Variants in FBXO41 observed in about 807,000 individuals in gnomAD.
FBXO41 encodes the protein F-box only protein 41.
A neutral mutation model predicts 81.6 loss-of-function variants in FBXO41; 33 were observed. The observed-to-expected ratio is 0.40, with a 90% CI of 0.31 to 0.54. The LOEUF (loss-of-function observed/expected upper bound fraction) is 0.54. Among genes scored for constraint, FBXO41 ranks in the 20% least tolerant of loss-of-function variants. FBXO41 has a pLI of 0.39. For missense variants in FBXO41, 1,107 were observed against 1,236.0 expected, an observed-to-expected ratio of 0.90 and a Z score of 1.56; for synonymous variants, 576 against 552.7, an observed-to-expected ratio of 1.04 and a Z score of -0.59.
chr2:73,264,083 T>C (rs1423505411), intron 6 of FBXO41, 30 bp from the exon 7 acceptor site: 11 of 1,563,880 alleles, frequency 7.0e-6, no homozygotes, highest in Admixed American at 1.9e-5. Context: ...CATTTGGAGA[T>C]GAAGGGGTCT....
rs778503960 is a variant in FBXO41, at chr2:73,263,977, C to A, written c.1883G>T (p.Gly628Val). Residue 628 changes from glycine to valine, a missense_variant, in exon 7 of 13, where the codon GGA (glycine) becomes GTA (valine). Coordinates refer to ENST00000520530, the MANE Select transcript of FBXO41 (RefSeq NM_001371389.2). ...ATACTCCTCCTTGCTCTCCTTCTTT[C>A]CCCGCTGCCGGGGCTTCAAGTTCTG... ...TLQNLKPRQR[G>V]KKESKEEYAR... 36 of 1,606,758 alleles carry A rather than the reference C, an allele frequency of 2.2e-5. No individual in the cohort carries two copies. The highest frequency in any genetic ancestry group is 2.9e-5 in the Non-Finnish European group (34 of 1,176,428).
At chr2:73,270,432 T>A (rs908444867) in intron 1 of FBXO41, among the ~76,000 whole-genome samples, 3 of 152,182 alleles carry the variant, frequency 2.0e-5, no homozygotes, top group African/African-American at 7.2e-5. Flanking sequence ...ATTTTCATTT[T>A]TTGCAGACTG....
intron 5 of FBXO41, among the ~76,000 whole-genome samples, chr2:73,264,794 T>C (rs111421092): frequency 4.9e-4 from 75 of 152,036 alleles, no homozygotes; most frequent in African/African-American, 1.8e-3. Context: ...ACACATCAGA[T>C]TTGGAGAGTG....
chr2:73,269,746 G>T lies in FBXO41; in HGVS notation c.-116C>A. On this transcript the variant is annotated 5_prime_UTR_variant, in exon 2 of 13. Transcript: ENST00000520530. The surrounding 1 kb of genome is among the most constrained non-coding windows in gnomAD (Gnocchi z 7.0). The stretch of plus-strand genomic sequence containing the variant: ...CTGCGGGGTCAGGAAGGCTCAGGGC[G>T]CCCGCGGCCTGGGGCGAGGAGGCTG... The T allele has an allele frequency of 1.6e-6, 1 of 638,288 alleles. No individual in the cohort carries two copies. The highest frequency in any genetic ancestry group is 2.0e-6 in the Non-Finnish European group (1 of 488,220). 39.5% of individuals were successfully genotyped at this position (638,288 alleles called of 1,614,324 possible).
rs527555124 is a variant in FBXO41, at chr2:73,263,934, T to G, written c.1922+4A>C. 3 of 1,612,040 alleles carry G rather than the reference T, an allele frequency of 1.9e-6. No individual in the cohort carries two copies. The Admixed American group carries it at 5.0e-5, about 27-fold the overall frequency. On this transcript the variant is annotated splice_donor_region_variant and intron_variant, in intron 7 of 12. Transcript: ENST00000520530. The stretch of plus-strand genomic sequence containing the variant: ...ACCCACCACCCACCCATCGCAGGCC[T>G]CACCGGGTGCTCCGGGCATACTCCT...
In FBXO41 at chr2:73,269,739, T is replaced by C. The variant is rs1431655089; in HGVS notation, c.-109A>G. 1.5e-5 allele frequency: 11 copies of C among 733,754 alleles called. No individual in the cohort carries two copies. Among genetic ancestry groups the C allele is most frequent in the African/African-American group, 1.9e-5 (1 of 52,390 alleles). 45.5% of individuals were successfully genotyped at this position (733,754 alleles called of 1,614,324 possible). On this transcript the variant is annotated 5_prime_UTR_variant, in exon 2 of 13. Transcript: ENST00000520530. The surrounding 1 kb of genome is among the most constrained non-coding windows in gnomAD (Gnocchi z 7.0). ...AGGCCCCCTGCGGGGTCAGGAAGGCTCAGGGCGCCCGCGGCCTGGGGCGAG... is the reference window on the plus strand; with the variant it reads ...AGGCCCCCTGCGGGGTCAGGAAGGCCCAGGGCGCCCGCGGCCTGGGGCGAG...
rs1456865867 is a variant in FBXO41, at chr2:73,269,597, G to T, written c.34C>A (p.Arg12Ser). The change falls in exon 2 of 13, where the codon CGC (arginine) becomes AGC (serine). Residue 12 changes from arginine to serine, a missense_variant. Coordinates refer to ENST00000520530, the MANE Select transcript of FBXO41 (RefSeq NM_001371389.2). The surrounding 1 kb of genome is among the most constrained non-coding windows in gnomAD (Gnocchi z 7.0). Reference sequence around the variant, plus strand: ...CGGAAGCGCTTGTGCTCCCCGCAGCGGGGGCAGCGGTACGGCAGGTCCAGC... The same window carrying T: ...CGGAAGCGCTTGTGCTCCCCGCAGCTGGGGCAGCGGTACGGCAGGTCCAGC... ...ASLDLPYRCP[R>S]CGEHKRFRSL... 2.3e-6 allele frequency: 3 copies of T among 1,311,778 alleles called. No homozygotes were observed. The highest frequency in any genetic ancestry group is 3.9e-5 in the East Asian group (1 of 25,672). The allele number at this position is 1,311,778 out of a possible 1,614,324, so 81.3% of individuals were successfully genotyped here.
In FBXO41 at chr2:73,269,251, A is replaced by C. The variant is rs1337657200; in HGVS notation, c.380T>G (p.Leu127Arg). 3.3e-6 allele frequency: 5 copies of C among 1,529,890 alleles called. No individual in the cohort carries two copies. The African/African-American group carries it at 5.7e-5, about 18-fold the overall frequency. The allele number at this position is 1,529,890 out of a possible 1,614,324, so 94.8% of individuals were successfully genotyped here. ...HFPGDLVPAS[L>R]PCEELAEPGL... The stretch of plus-strand genomic sequence containing the variant: ...CGGCTCGGCCAACTCCTCACAGGGC[A>C]GGCTAGCGGGCACCAGGTCGCCGGG... The change falls in exon 2 of 13, where the codon CTG becomes CGG. Residue 127 changes from leucine to arginine, a missense_variant. Transcript: ENST00000520530. The surrounding 1 kb of genome is among the most constrained non-coding windows in gnomAD (Gnocchi z 7.0).
chr2:73,263,172 C>G (rs1156662048), intron 9 of FBXO41, 41 bp downstream of exon 9: 19 of 1,515,844 alleles, frequency 1.3e-5, no homozygotes, highest in Non-Finnish European at 1.6e-5. Context: ...CCAGGCCCAA[C>G]CGTGTCCCCC....
At chr2:73,276,559 T>TAAGA (rs1688685941) in intron 1 of FBXO41, among the ~76,000 whole-genome samples, 1 of 75,746 alleles carries the variant, frequency 1.3e-5, no homozygotes. Flanking sequence ...GCAAATCTAT[T>TAAGA]CAGAGAGAGA....
At chr2:73,262,033 G>C (rs1357013823) in intron 9 of FBXO41, among the ~76,000 whole-genome samples, 2 of 152,158 alleles carry the variant, frequency 1.3e-5, no homozygotes. Context: ...GATCAGGCTG[G>C]CCAACATGGT....
Position 73,258,942 on chromosome 2 carries a change from G to T in FBXO41, c.*40C>A, listed in dbSNP as rs536316404. On this transcript the variant is annotated 3_prime_UTR_variant, in exon 13 of 13. Transcript: ENST00000520530. The stretch of plus-strand genomic sequence containing the variant: ...CTCTGAGGTCCAAAGAGAGTGCCCT[G>T]GTGTGGGGCTGGCAGGGGCCCTGCC... 43 of 1,542,592 alleles carry T rather than the reference G, an allele frequency of 2.8e-5. No homozygotes were observed. Among genetic ancestry groups the T allele is most frequent in the Admixed American group, 1.0e-4 (5 of 49,950 alleles).
rs1395342715 is a variant in FBXO41 at position 73,264,035 on chromosome 2, GA to G, written c.1824del (p.Gln609SerfsTer9). ...RVCSKFLAML[A>X]QWCTQAHSLT... ...AGAGAGTGGGCCTGGGTGCACCACT[GA>G]GCCAGCATTGCCAGGAACTGTGGGG... On this transcript the variant is annotated frameshift_variant, in exon 7 of 13. Transcript: ENST00000520530. LOFTEE classifies it high-confidence loss of function. 1 of 1,598,034 alleles carries G rather than the reference GA, an allele frequency of 6.3e-7. No homozygotes were observed. Among genetic ancestry groups the G allele is most frequent in the Non-Finnish European group, 8.5e-7 (1 of 1,172,104 alleles).
At chr2:73,274,132 C>T (rs1335980057) in intron 1 of FBXO41, among the ~76,000 whole-genome samples, 1 of 152,218 alleles carries the variant, frequency 6.6e-6, no homozygotes, top group Non-Finnish European at 1.5e-5. Context: ...TGCTCAGACT[C>T]CTTCAAGGGC....
At chr2:73,282,818 G>C (rs1053922321) in intron 1 of FBXO41, among the ~76,000 whole-genome samples, 10 of 152,180 alleles carry the variant, frequency 6.6e-5, no homozygotes, top group African/African-American at 2.2e-4. Flanking sequence ...CTCTTTCTCT[G>C]TTAAATTCAG....
chr2:73,265,635 G>C lies in FBXO41; in HGVS notation c.1211C>G (p.Ser404Cys), dbSNP rs764967523. ...RHGSSPSTGA[S>C]SRVPAASQSS... Reference sequence around the variant, plus strand: ...CTGGGATGCGGCTGGCACACGGCTGGAGGCCCTGGGGCAGGGTGGACCACA... The same window carrying C: ...CTGGGATGCGGCTGGCACACGGCTGCAGGCCCTGGGGCAGGGTGGACCACA... Residue 404 changes from serine (S) to cysteine (C), a missense_variant, in exon 5 of 13, where the codon TCC becomes TGC. Coordinates refer to ENST00000520530, the MANE Select transcript of FBXO41 (RefSeq NM_001371389.2). The C allele has an allele frequency of 5.6e-5, 84 of 1,510,602 alleles. 3 individuals carry two copies. In the South Asian group the frequency reaches 8.8e-4, roughly 16 times the overall value. The allele number at this position is 1,510,602 out of a possible 1,614,324, so 93.6% of individuals were successfully genotyped here.
At chr2:73,270,052 C>T (rs576576095) in intron 1 of FBXO41, among the ~76,000 whole-genome samples, 141 of 152,188 alleles carry the variant, frequency 9.3e-4, no homozygotes, top group African/African-American at 3.0e-3. Flanking sequence ...AATGGTAGAA[C>T]GGTTAAACTG....
chr2:73,275,494 T>C (rs1688659147), intron 1 of FBXO41, among the ~76,000 whole-genome samples: 1 of 152,208 alleles, frequency 6.6e-6, no homozygotes, highest in Non-Finnish European at 1.5e-5. Flanking sequence ...ATTTGCATTT[T>C]ATAACCCAGC....
Position 73,254,942 on chromosome 2 carries a change from C to G in FBXO41, c.*4040G>C, listed in dbSNP as rs1687751968. 1 of 152,742 alleles carries G rather than the reference C, an allele frequency of 6.5e-6. No individual in the cohort carries two copies. Among genetic ancestry groups the G allele is most frequent in the South Asian group, 2.1e-4 (1 of 4,832 alleles). The allele number at this position is 152,742 out of a possible 1,614,324, so 9.5% of individuals were successfully genotyped here. A position where few individuals can be genotyped will look rare whatever the true frequency, so the allele number is the denominator to read the frequency against. On this transcript the variant is annotated 3_prime_UTR_variant, in exon 13 of 13. Transcript: ENST00000520530. ...CCAAAAATTGCTCTCCACCCCTCTG[C>G]CTGTGCTTGGGGCTGGGGAAGCTAC... is the stretch of plus-strand genomic sequence containing the variant.
Sources: allele counts gnomAD v4.1 joint callset (sites outside exome capture counted in the v4.1 genomes callset), GRCh38; gene constraint gnomAD v4.1.1; non-coding constraint Gnocchi (gnomAD v3.1); transcripts MANE v1.5; gene names NCBI Gene and HGNC (gene_info 2026-07-23, HGNC 2026-07-21).